The following LPP variants were observed in gnomAD, a reference collection of about 807,000 sequenced individuals.
The protein encoded by LPP is LIM domain containing preferred translocation partner in lipoma.
Under a neutral mutation model 60.4 loss-of-function variants are expected in LPP, and 38 were observed. The observed-to-expected ratio is 0.63, with a 90% CI of 0.49 to 0.83. The LOEUF is 0.83. Among genes scored for constraint, LPP ranks in the 40% least tolerant of loss-of-function variants. The pLI, the probability that LPP is intolerant of heterozygous loss-of-function variation, is 0.00. For synonymous variants in LPP, 328 were observed against 290.8 expected, an observed-to-expected ratio of 1.13 and a Z score of -1.30; for missense variants, 902 against 783.6, an observed-to-expected ratio of 1.15 and a Z score of -1.80.
At chr3:188,723,570 C>T (rs1577204861) in intron 8 of LPP, among the ~76,000 whole-genome samples, 1 of 152,206 alleles carries the variant, frequency 6.6e-6, no homozygotes, top group East Asian at 1.9e-4. Flanking sequence ...ATACAGAAAC[C>T]TGGACAGGAC....
intron 2 of LPP, among the ~76,000 whole-genome samples, chr3:188,267,937 T>C (rs1158769639): frequency 6.6e-6 from 1 of 152,080 alleles, no homozygotes; most frequent in African/African-American, 2.4e-5. Flanking sequence ...CCTGCCACCA[T>C]TGCTGTGGCT....
At chr3:188,730,287 A>G (rs984581370) in intron 8 of LPP, among the ~76,000 whole-genome samples, 15 of 152,246 alleles carry the variant, frequency 9.9e-5, no homozygotes, top group Admixed American at 9.2e-4. Flanking sequence ...TTATTTATTT[A>G]TTTTGATGAA....
At chr3:188,594,593 C>G (rs1329194659) in intron 6 of LPP, among the ~76,000 whole-genome samples, 1 of 152,172 alleles carries the variant, frequency 6.6e-6, no homozygotes, top group Non-Finnish European at 1.5e-5. Flanking sequence ...TCAGTAAATG[C>G]TCAATGACTA....
At chr3:188,579,465 C>T (rs1466675019) in intron 6 of LPP, among the ~76,000 whole-genome samples, 1 of 152,158 alleles carries the variant, frequency 6.6e-6, no homozygotes, top group Non-Finnish European at 1.5e-5. Context: ...ATGTTAAAAA[C>T]ATTCTGTAAT....
In LPP at chr3:188,390,178, C is replaced by T. The variant is rs577456247; in HGVS notation, c.-9-15934C>T. On this transcript the variant is annotated intron_variant, in intron 3 of 11. Coordinates refer to ENST00000617246, the MANE Select transcript of LPP (RefSeq NM_001375462.1). ...GCCTGCTCCTGCCCCTCCCTGCAAT[C>T]TTTCCATTGTTGTGTGTGGTACAGG... 3.6e-4 allele frequency among the ~76,000 whole-genome samples: 55 copies of T among 152,290 alleles called. 3 individuals are homozygous for T. The South Asian group carries it at 0.011, about 30-fold the overall frequency.
In LPP at chr3:188,649,078, T is replaced by C. The variant is rs139669870; in HGVS notation, c.1113+39234T>C. On this transcript the variant is annotated intron_variant, in intron 7 of 11. Coordinates refer to ENST00000617246, the MANE Select transcript of LPP (RefSeq NM_001375462.1). ...GCTATCGTCATTGTCATTTTCAGTT[T>C]AATAGCAGGAATGTTCCATTTTCAC... 7.2e-4 allele frequency among the ~76,000 whole-genome samples: 110 copies of C among 152,368 alleles called. No individual in the cohort carries two copies. In the Middle Eastern group the frequency reaches 0.01, roughly 14 times the overall value.
chr3:188,756,308 G>A (rs1201313472), intron 8 of LPP, among the ~76,000 whole-genome samples: 4 of 152,082 alleles, frequency 2.6e-5, no homozygotes, highest in East Asian at 3.9e-4. Flanking sequence ...GTTCCCCATC[G>A]GCTGCCGGCC....
intron 7 of LPP, among the ~76,000 whole-genome samples, chr3:188,692,285 G>A (rs546185168): frequency 3.9e-5 from 6 of 152,246 alleles, no homozygotes; most frequent in East Asian, 3.9e-4. Context: ...CCTCACCTTC[G>A]AGACATCACT....
chr3:188,752,163 A>G (rs2150333303), intron 8 of LPP, among the ~76,000 whole-genome samples: 1 of 152,320 alleles, frequency 6.6e-6, no homozygotes, highest in African/African-American at 2.4e-5. Flanking sequence ...TTCATAGCCA[A>G]GTATTTAAGG....
At chr3:188,486,695 A>G (rs1806652845) in intron 5 of LPP, among the ~76,000 whole-genome samples, 1 of 152,204 alleles carries the variant, frequency 6.6e-6, no homozygotes, top group African/African-American at 2.4e-5. Flanking sequence ...TGGAGTCTAG[A>G]TCTTTTAAGG....
intron 2 of LPP, among the ~76,000 whole-genome samples, chr3:188,237,739 C>T (rs575835955): frequency 6.8e-6 from 1 of 147,422 alleles, no homozygotes; most frequent in Admixed American, 6.8e-5. Flanking sequence ...GGAAACAGTG[C>T]TTTCATCCAG....
rs75173733 is a variant in LPP, at chr3:188,240,342, A to AGTGTGTGT, written c.-67+14843_-67+14850dup. Among the ~76,000 whole-genome samples, 638 of 143,686 alleles carry AGTGTGTGT rather than the reference A, an allele frequency of 4.4e-3. 8 individuals carry two copies. Among genetic ancestry groups the AGTGTGTGT allele is most frequent in the African/African-American group, 0.015 (594 of 38,512 alleles). 94.3% of individuals were successfully genotyped at this position (143,686 alleles called of 152,430 possible). ...ATAAGAGTCAGGAGTTTTGGGTAAG[A>AGTGTGTGT]GTGTGTGTGTGTGTGTGTGTGTGTG... On this transcript the variant is annotated intron_variant, in intron 2 of 11. Coordinates refer to ENST00000617246, the MANE Select transcript of LPP (RefSeq NM_001375462.1).
intron 2 of LPP, among the ~76,000 whole-genome samples, chr3:188,296,664 T>G (rs1560213654): frequency 6.6e-6 from 1 of 152,230 alleles, no homozygotes. Flanking sequence ...ATGTCCAGGT[T>G]GTGGAACATT....
intron 7 of LPP, among the ~76,000 whole-genome samples, chr3:188,674,978 A>G (rs1857698861): frequency 6.6e-6 from 1 of 152,240 alleles, no homozygotes; most frequent in Non-Finnish European, 1.5e-5. Context: ...AGTCCTTGGC[A>G]ATATTACTTT....
chr3:188,656,645 C>A (rs909896057), intron 7 of LPP, among the ~76,000 whole-genome samples: 5 of 152,194 alleles, frequency 3.3e-5, no homozygotes, highest in African/African-American at 1.2e-4. Flanking sequence ...GTGGTTAAAT[C>A]TGGAGGGATT....
chr3:188,616,148 C>A (rs1038526377), intron 7 of LPP, among the ~76,000 whole-genome samples: 3 of 152,102 alleles, frequency 2.0e-5, no homozygotes, highest in African/African-American at 7.2e-5. Context: ...CATCATGAAG[C>A]CGTTGCCCAT....
At chr3:188,805,966 A>T (rs1304796189) in intron 9 of LPP, among the ~76,000 whole-genome samples, 1 of 151,688 alleles carries the variant, frequency 6.6e-6, no homozygotes, top group African/African-American at 2.4e-5. Context: ...ATTCATCTAA[A>T]TTTGTTGAGG....
chr3:188,454,979 A>C (rs1319438291), intron 4 of LPP, among the ~76,000 whole-genome samples: 1 of 152,228 alleles, frequency 6.6e-6, no homozygotes, highest in East Asian at 1.9e-4. Flanking sequence ...TCGAAAGCCA[A>C]CTTAGTGTAG....
rs1392379750 is a variant in LPP, at chr3:188,877,239, A to C, written c.*2760A>C. 1 of 176,640 alleles carries C rather than the reference A, an allele frequency of 5.7e-6. No homozygotes were observed. Among genetic ancestry groups the C allele is most frequent in the African/African-American group, 2.4e-5 (1 of 42,252 alleles). The allele number at this position is 176,640 out of a possible 1,614,324, so 10.9% of individuals were successfully genotyped here. ...TTTTGCCTGCAACAGAGAGAAAAAGATTGTATTACTTTAATGATTATAATC... is the reference window on the plus strand; with the variant it reads ...TTTTGCCTGCAACAGAGAGAAAAAGCTTGTATTACTTTAATGATTATAATC... On this transcript the variant is annotated 3_prime_UTR_variant, in exon 12 of 12. Transcript: ENST00000617246.
Sources: allele counts gnomAD v4.1 joint callset (sites outside exome capture counted in the v4.1 genomes callset), GRCh38; gene constraint gnomAD v4.1.1; transcripts MANE v1.5; gene names NCBI Gene and HGNC (gene_info 2026-07-23, HGNC 2026-07-21).